C1QTNF3: variants seen among roughly 807,000 people sequenced by gnomAD.
C1QTNF3 encodes the protein C1q and TNF related 3.
In C1QTNF3, 26 loss-of-function variants were observed where a neutral mutation model predicts 32.6. The observed-to-expected ratio is 0.80, with a 90% CI of 0.58 to 1.11. C1QTNF3 has a LOEUF of 1.11. C1QTNF3 is among the 50% of genes least tolerant of loss of function. The pLI is 0.00. For synonymous variants in C1QTNF3, 155 were observed against 146.0 expected, an observed-to-expected ratio of 1.06 and a Z score of -0.44; for missense variants, 362 against 398.2, an observed-to-expected ratio of 0.91 and a Z score of 0.77.
At chr5:34,173,957 G>A in the C1QTNF3 span, among the ~76,000 whole-genome samples, 1 of 152,206 alleles carries the variant, frequency 6.6e-6, no homozygotes, top group East Asian at 1.9e-4. Flanking sequence ...GTCTACATGG[G>A]AAATGCTTGG....
the C1QTNF3 span, among the ~76,000 whole-genome samples, chr5:34,146,754 C>G: frequency 6.6e-6 from 1 of 151,960 alleles, no homozygotes; most frequent in African/African-American, 2.4e-5. Flanking sequence ...GTGGCCATGG[C>G]CAATAATTTT....
the C1QTNF3 span, among the ~76,000 whole-genome samples, chr5:34,055,499 T>C: frequency 6.6e-5 from 10 of 152,188 alleles, no homozygotes; most frequent in African/African-American, 1.9e-4. Flanking sequence ...AAACATCCAA[T>C]TAACATCTGA....
the C1QTNF3 span, among the ~76,000 whole-genome samples, chr5:34,236,399 A>G: frequency 6.6e-6 from 1 of 151,792 alleles, no homozygotes; most frequent in Non-Finnish European, 1.5e-5. Flanking sequence ...TCAAAAAAAA[A>G]AGAAGAAGAA....
the C1QTNF3 span, among the ~76,000 whole-genome samples, chr5:34,118,114 C>T: frequency 1.3e-5 from 2 of 152,092 alleles, no homozygotes; most frequent in African/African-American, 2.4e-5. Flanking sequence ...GAGTCTCACT[C>T]TGTTGCCCAG....
chr5:34,232,784 A>G, the C1QTNF3 span, among the ~76,000 whole-genome samples: 19 of 152,320 alleles, frequency 1.2e-4, no homozygotes, highest in East Asian at 3.5e-3. Flanking sequence ...TCTTTATATC[A>G]TTGTGAAAAT....
chr5:34,071,452 A>C, the C1QTNF3 span, among the ~76,000 whole-genome samples: 1 of 152,160 alleles, frequency 6.6e-6, no homozygotes, highest in Non-Finnish European at 1.5e-5. Context: ...TATTTCCATA[A>C]ACAACCTTGG....
the C1QTNF3 span, among the ~76,000 whole-genome samples, chr5:34,097,545 G>A: frequency 4.2e-4 from 45 of 107,902 alleles, 1 homozygote; most frequent in Admixed American, 7.2e-4. Context: ...AATCAATCTG[G>A]CTCCAAGGAC....
chr5:34,144,674 G>T, the C1QTNF3 span, among the ~76,000 whole-genome samples: 2 of 152,066 alleles, frequency 1.3e-5, no homozygotes, highest in Admixed American at 1.3e-4. Context: ...ATTTACTCCT[G>T]AATAACTCTT....
the C1QTNF3 span, among the ~76,000 whole-genome samples, chr5:34,109,606 C>T: frequency 2.6e-5 from 4 of 151,992 alleles, no homozygotes; most frequent in South Asian, 8.3e-4. Context: ...TTTCTTACCA[C>T]TATTTTAGAG....
At chr5:34,224,205 T>C in the C1QTNF3 span, among the ~76,000 whole-genome samples, 4 of 152,092 alleles carry the variant, frequency 2.6e-5, no homozygotes, top group Non-Finnish European at 2.9e-5. Flanking sequence ...AGAATCAATA[T>C]GGTGAAAATG....
At chr5:34,031,562 G>C (rs377643897) in intron 3 of C1QTNF3, among the ~76,000 whole-genome samples, 1 of 152,214 alleles carries the variant, frequency 6.6e-6, no homozygotes, top group East Asian at 1.9e-4. Context: ...GCTAGGCACA[G>C]TGGCTCACAC....
the C1QTNF3 span, among the ~76,000 whole-genome samples, chr5:34,216,657 CTA>C: frequency 6.6e-6 from 1 of 152,136 alleles, no homozygotes; most frequent in Admixed American, 6.6e-5. Flanking sequence ...CTTTCAATAA[CTA>C]TGTTGAAGAA....
chr5:34,044,956 T>C (rs1250107463), upstream of C1QTNF3, among the ~76,000 whole-genome samples: 1 of 152,188 alleles, frequency 6.6e-6, no homozygotes, highest in African/African-American at 2.4e-5. Flanking sequence ...GAGCTGGAGC[T>C]GGGGAAAGGA....
intron 5 of C1QTNF3, among the ~76,000 whole-genome samples, chr5:34,021,011 G>A (rs893814625): frequency 3.3e-5 from 5 of 152,160 alleles, no homozygotes; most frequent in African/African-American, 1.2e-4. Flanking sequence ...TTGAATACTG[G>A]GTTCTTGGAG....
At chr5:34,095,728 A>G in the C1QTNF3 span, among the ~76,000 whole-genome samples, 3 of 152,006 alleles carry the variant, frequency 2.0e-5, no homozygotes, top group Non-Finnish European at 2.9e-5. Context: ...TAGAACTTGC[A>G]AGTTCTCAGT....
chr5:34,056,486 A>ATC, the C1QTNF3 span, among the ~76,000 whole-genome samples: 1 of 34,776 alleles, frequency 2.9e-5, no homozygotes, highest in Non-Finnish European at 7.8e-5. Context: ...ATATAGAGAG[A>ATC]GAGAGAGAGA....
the C1QTNF3 span, among the ~76,000 whole-genome samples, chr5:34,155,526 G>A: frequency 6.6e-6 from 1 of 152,138 alleles, no homozygotes; most frequent in Admixed American, 6.5e-5. Flanking sequence ...CAGAGTATCT[G>A]TGGAAGGCTT....
the C1QTNF3 span, among the ~76,000 whole-genome samples, chr5:34,140,405 G>A: frequency 6.6e-6 from 1 of 152,118 alleles, no homozygotes; most frequent in Admixed American, 6.5e-5. Flanking sequence ...ACAGCATCAG[G>A]ATGACATAAA....
At chr5:34,138,533 G>T in the C1QTNF3 span, among the ~76,000 whole-genome samples, 1 of 151,928 alleles carries the variant, frequency 6.6e-6, no homozygotes, top group East Asian at 1.9e-4. Context: ...TTGACTTTCT[G>T]AAGTTCAAAG....
Sources: allele counts gnomAD v4.1 joint callset (sites outside exome capture counted in the v4.1 genomes callset), GRCh38; gene constraint gnomAD v4.1.1; transcripts MANE v1.5; gene names NCBI Gene and HGNC (gene_info 2026-07-23, HGNC 2026-07-21).